The following CLTA variants were observed in gnomAD, a reference collection of about 807,000 sequenced individuals.
The protein encoded by CLTA is clathrin light chain A, also known as clathrin, light polypeptide (Lca).
Under a neutral mutation model 26.9 loss-of-function variants are expected in CLTA, and 9 were observed. That is an observed-to-expected ratio of 0.33 (90% CI 0.20 to 0.58). The LOEUF is 0.58. Ranked by LOEUF, CLTA falls within the 20% of genes least tolerant of loss-of-function variation. The probability of loss-of-function intolerance (pLI) is 0.85; values close to 1 mark genes in which losing one functional copy is unlikely to be tolerated. For missense variants in CLTA, 278 were observed against 294.2 expected, an observed-to-expected ratio of 0.94 and a Z score of 0.40; for synonymous variants, 120 against 115.5, an observed-to-expected ratio of 1.04 and a Z score of -0.25.
chr9:36,211,889 T>C lies in CLTA; in HGVS notation c.*115T>C, dbSNP rs1828067461. Reference sequence around the variant, plus strand: ...CTTTTGGACCAAACCTTTTTGTCTTTAGAGTTGTTCATTGTTTGTGATTGC... The same window carrying C: ...CTTTTGGACCAAACCTTTTTGTCTTCAGAGTTGTTCATTGTTTGTGATTGC... On this transcript the variant is annotated 3_prime_UTR_variant, in exon 5 of 5. Coordinates refer to ENST00000345519, the MANE Select transcript of CLTA (RefSeq NM_001833.4). The C allele has an allele frequency of 3.4e-6, 3 of 887,092 alleles. No individual in the cohort carries two copies. Among genetic ancestry groups the C allele is most frequent in the African/African-American group, 1.7e-5 (1 of 59,252 alleles). The allele number at this position is 887,092 out of a possible 1,614,324, so 55.0% of individuals were successfully genotyped here.
chr9:36,209,163 GA>G, intron 4 of CLTA: 2 of 1,415,480 alleles, frequency 1.4e-6, no homozygotes, highest in South Asian at 2.4e-5. Context: ...CAGCTCCTCA[GA>G]GCACAGTTGT....
At chr9:36,206,052 G>A (rs1167790177) in intron 4 of CLTA, among the ~76,000 whole-genome samples, 3 of 151,958 alleles carry the variant, frequency 2.0e-5, no homozygotes, top group Admixed American at 1.3e-4. Flanking sequence ...GAGCCACCGC[G>A]CCTGGCCATG....
chr9:36,196,702 G>T (rs1463353680), intron 1 of CLTA, among the ~76,000 whole-genome samples: 1 of 152,112 alleles, frequency 6.6e-6, no homozygotes, highest in African/African-American at 2.4e-5. Context: ...AATTGAATAT[G>T]CTTCCCCCAT....
At chr9:36,196,939 C>T (rs143207480) in intron 1 of CLTA, among the ~76,000 whole-genome samples, 19 of 152,168 alleles carry the variant, frequency 1.2e-4, no homozygotes, top group African/African-American at 3.1e-4. Context: ...TTTGGGAGAC[C>T]GAGGCGGGTG....
rs1440891502 is a variant in CLTA, at chr9:36,211,949, T to A, written c.*175T>A. The A allele has an allele frequency of 1.1e-5, 8 of 715,888 alleles. No individual in the cohort carries two copies. The highest frequency in any genetic ancestry group is 1.7e-5 in the Non-Finnish European group (7 of 408,378). 44.3% of individuals were successfully genotyped at this position (715,888 alleles called of 1,614,324 possible). A position where few individuals can be genotyped will look rare whatever the true frequency, so the allele number is the denominator to read the frequency against. On this transcript the variant is annotated 3_prime_UTR_variant, in exon 5 of 5. Transcript: ENST00000345519. ...TCCTTCAACTGTGTTCTCCCTGGCA[T>A]TCAGAGAGGAGGGAGAGGAGGAAGA...
At chr9:36,196,342 CT>C (rs372357204) in intron 1 of CLTA, among the ~76,000 whole-genome samples, 29,353 of 134,762 alleles carry the variant, frequency 0.22, 2,291 homozygotes, top group African/African-American at 0.37. Flanking sequence ...TTTCTTTTTT[CT>C]TTTTTTTTTT....
At chr9:36,202,648 C>G (rs1827483585) in intron 3 of CLTA, among the ~76,000 whole-genome samples, 1 of 152,108 alleles carries the variant, frequency 6.6e-6, no homozygotes, top group Non-Finnish European at 1.5e-5. Context: ...ACTTTCTGAG[C>G]TTTAGTTTTT....
chr9:36,195,115 A>G (rs1826945021), intron 1 of CLTA, among the ~76,000 whole-genome samples: 1 of 152,242 alleles, frequency 6.6e-6, no homozygotes, highest in Non-Finnish European at 1.5e-5. Flanking sequence ...TGTAGGATCT[A>G]GGATTTAAAA....
In CLTA at chr9:36,198,680, C is replaced by T. The variant is rs987420996; in HGVS notation, c.256-299C>T. The stretch of plus-strand genomic sequence containing the variant: ...TGGGTGACAGAGTAAGACCCTGTCC[C>T]GTCCCCCCTTCCCCCACCCCAGAAA... On this transcript the variant is annotated intron_variant, in intron 2 of 4. Transcript: ENST00000345519. Among the ~76,000 whole-genome samples, 7 of 147,886 alleles carry T rather than the reference C, an allele frequency of 4.7e-5. 1 individual carries two copies. Among genetic ancestry groups the T allele is most frequent in the South Asian group, 4.4e-4 (2 of 4,554 alleles).
intron 1 of CLTA, among the ~76,000 whole-genome samples, chr9:36,192,732 G>A (rs1164398253): frequency 6.6e-6 from 1 of 152,124 alleles, no homozygotes; most frequent in African/African-American, 2.4e-5. Context: ...GCTTAAAAAA[G>A]CACGAGTTAA....
At chr9:36,198,795 C>T (rs1287031826) in intron 2 of CLTA, among the ~76,000 whole-genome samples, 184 bp from the exon 3 acceptor site, 2 of 150,340 alleles carry the variant, frequency 1.3e-5, no homozygotes, top group African/African-American at 4.9e-5. Context: ...ATTGCTTGAA[C>T]CCGGGAGGTG....
intron 4 of CLTA, among the ~76,000 whole-genome samples, chr9:36,206,468 T>C (rs905302482): frequency 2.6e-5 from 4 of 152,190 alleles, no homozygotes; most frequent in Non-Finnish European, 4.4e-5. Flanking sequence ...GATTTTTATA[T>C]TGCTGACTAC....
chr9:36,210,528 C>T, intron 4 of CLTA: 1 of 1,589,372 alleles, frequency 6.3e-7, no homozygotes. Flanking sequence ...GTGGCAAGGG[C>T]ATGTCCAGCT....
At chr9:36,197,720 C>T (rs903398181) in intron 2 of CLTA, 132 bp downstream of exon 2, 1 of 661,984 alleles carries the variant, frequency 1.5e-6, no homozygotes, top group Non-Finnish European at 2.6e-6. Flanking sequence ...GGTGTGTTAT[C>T]TACCAAAGTG....
chr9:36,204,331 C>G, intron 4 of CLTA, 152 bp downstream of exon 4: 1 of 808,930 alleles, frequency 1.2e-6, no homozygotes. Context: ...GCAAGTCTCT[C>G]GGGTCTTGTG....
At position 36,196,342 on chromosome 9, in the gene CLTA, CTT is replaced by C. The variant is rs372357204; in HGVS notation, c.218-1195_218-1194del. Reference sequence around the variant, plus strand: ...AATTCCTTTTTTTTCTTTCTTTTTTCTTTTTTTTTTTTTTTATTTTTTGAGAT... The same window carrying C: ...AATTCCTTTTTTTTCTTTCTTTTTTCTTTTTTTTTTTTTATTTTTTGAGAT... On this transcript the variant is annotated intron_variant, in intron 1 of 4. Transcript: ENST00000345519. Among the ~76,000 whole-genome samples, 106 of 135,132 alleles carry C rather than the reference CTT, an allele frequency of 7.8e-4. 1 individual carries two copies. Among genetic ancestry groups the C allele is most frequent in the South Asian group, 4.5e-3 (19 of 4,224 alleles). The allele number at this position is 135,132 out of a possible 152,430, so 88.7% of individuals were successfully genotyped here.
rs1587248739 is a variant in CLTA, at chr9:36,208,954, A to G, written c.486-2649A>G. On this transcript the variant is annotated intron_variant, in intron 4 of 4. Transcript: ENST00000345519. ...GTTAACAGTTAAGGATTGAATCAAC[A>G]TAATGTATGTGAAAGGGCTTAGTCC... Among the ~76,000 whole-genome samples the G allele has an allele frequency of 3.9e-5, 6 of 152,232 alleles. No homozygotes were observed. The South Asian group carries it at 1.2e-3, about 32-fold the overall frequency.
chr9:36,199,644 C>G (rs1433793255), intron 3 of CLTA, among the ~76,000 whole-genome samples: 1 of 151,104 alleles, frequency 6.6e-6, no homozygotes, highest in Non-Finnish European at 1.5e-5. Context: ...TTAGTAGAGA[C>G]AGGGTTTCAC....
Position 36,196,463 on chromosome 9 carries a change from C to T in CLTA, c.218-1088C>T, listed in dbSNP as rs571998599. ...CCGAGTTCAAGCAATTCTCCTCTTT[C>T]AGCCTCCTGAGTAGCTGGGATTACA... On this transcript the variant is annotated intron_variant, in intron 1 of 4. Coordinates refer to ENST00000345519, the MANE Select transcript of CLTA (RefSeq NM_001833.4). 9.8e-4 allele frequency among the ~76,000 whole-genome samples: 148 copies of T among 151,402 alleles called. 1 individual carries two copies. Among genetic ancestry groups the T allele is most frequent in the African/African-American group, 3.3e-3 (137 of 41,276 alleles).
Sources: gnomAD v4.1 joint callset for allele counts (sites outside exome capture counted in the v4.1 genomes callset) on GRCh38, gnomAD v4.1.1 for gene constraint, MANE v1.5 for transcripts, NCBI Gene and HGNC (gene_info 2026-07-23, HGNC 2026-07-21) for gene names.